The following QSER1 variants were observed in gnomAD, a reference collection of about 807,000 sequenced individuals.
QSER1 encodes the protein glutamine and serine rich 1, also known as glutamine and serine-rich protein 1.
In QSER1, 49 loss-of-function variants were observed where a neutral mutation model predicts 158.5. The observed-to-expected ratio is 0.31, with a 90% confidence interval of 0.25 to 0.39. The LOEUF is 0.39. QSER1 is among the 10% of genes least tolerant of loss of function. QSER1 has a pLI of 1.00. For missense variants in QSER1, 1,754 were observed against 2,010.3 expected (o/e 0.87, Z 2.44); for synonymous variants, 650 against 715.5 (o/e 0.91, Z 1.46).
intron 4 of QSER1, among the ~76,000 whole-genome samples, chr11:32,942,002 A>C (rs1203653248): frequency 2.0e-5 from 3 of 151,218 alleles, no homozygotes; most frequent in East Asian, 3.9e-4. Context: ...GCATTTTTTC[A>C]TGTGTCTTTT....
intron 10 of QSER1, among the ~76,000 whole-genome samples, chr11:32,969,624 A>T (rs1184564023): frequency 6.6e-6 from 1 of 151,898 alleles, no homozygotes; most frequent in Non-Finnish European, 1.5e-5. Context: ...CTCAACTCAG[A>T]TAATTTTTCA....
chr11:32,918,154 G>A (rs1203431906), intron 1 of QSER1, among the ~76,000 whole-genome samples: 2 of 152,042 alleles, frequency 1.3e-5, no homozygotes, highest in African/African-American at 2.4e-5. Context: ...TTTCTCTTCC[G>A]AAACTGTACA....
chr11:32,949,853 G>C (rs1239824932), intron 4 of QSER1, among the ~76,000 whole-genome samples: 1 of 152,174 alleles, frequency 6.6e-6, no homozygotes, highest in Non-Finnish European at 1.5e-5. Flanking sequence ...GTAGCAACAA[G>C]GAGGTCTTTA....
intron 9 of QSER1, among the ~76,000 whole-genome samples, chr11:32,967,866 T>C (rs568057881): frequency 2.0e-4 from 31 of 152,214 alleles, no homozygotes; most frequent in Non-Finnish European, 4.3e-4. Context: ...GAAGGGACTT[T>C]AGATATTACC....
intron 8 of QSER1, among the ~76,000 whole-genome samples, chr11:32,958,633 T>C (rs543918402): frequency 6.6e-6 from 1 of 152,214 alleles, no homozygotes; most frequent in Non-Finnish European, 1.5e-5. Flanking sequence ...CCTCCTGCCT[T>C]AGCCTCCCAA....
chr11:32,893,917 T>C lies in QSER1; in HGVS notation c.209+583T>C, dbSNP rs1338086431. ...GCGCGAACGCGGCTCCAGGGCCGGGTGACATATGTTTGCGCTGGTGGCCAA... is the reference window on the plus strand; with the variant it reads ...GCGCGAACGCGGCTCCAGGGCCGGGCGACATATGTTTGCGCTGGTGGCCAA... On this transcript the variant is annotated intron_variant, in intron 1 of 12. Coordinates refer to ENST00000650167, the MANE Select transcript of QSER1 (RefSeq NM_001076786.3). This position sits in a 1 kb window ranked among gnomAD's most constrained non-coding sequence, Gnocchi z 4.7. Among the ~76,000 whole-genome samples, 1 of 152,104 alleles carries C rather than the reference T, an allele frequency of 6.6e-6. No homozygotes were observed. Among genetic ancestry groups the C allele is most frequent in the Non-Finnish European group, 1.5e-5 (1 of 68,010 alleles).
intron 1 of QSER1, among the ~76,000 whole-genome samples, chr11:32,899,310 C>T (rs111355433): frequency 0.023 from 3,526 of 152,262 alleles, 61 homozygotes; most frequent in African/African-American, 0.052. Context: ...CCTCTAATGC[C>T]ATTCCCCCTC....
At chr11:32,939,655 A>C (rs952884962) in intron 4 of QSER1, among the ~76,000 whole-genome samples, 25 of 152,144 alleles carry the variant, frequency 1.6e-4, no homozygotes, top group African/African-American at 4.8e-4. Flanking sequence ...TGGTGTTTCC[A>C]GTGTCAGTTC....
At chr11:32,954,829 C>T (rs1852484411) in intron 5 of QSER1, among the ~76,000 whole-genome samples, 1 of 152,146 alleles carries the variant, frequency 6.6e-6, no homozygotes, top group Admixed American at 6.5e-5. Context: ...GCATGAGCCA[C>T]TGCATACAGC....
At chr11:32,941,363 C>A (rs1347005440) in intron 4 of QSER1, among the ~76,000 whole-genome samples, 2 of 145,288 alleles carry the variant, frequency 1.4e-5, no homozygotes, top group East Asian at 2.0e-4. Flanking sequence ...AGGTATATCT[C>A]CCAATGCTAT....
chr11:32,894,160 G>A (rs1018967789), intron 1 of QSER1, among the ~76,000 whole-genome samples: 23 of 152,312 alleles, frequency 1.5e-4, no homozygotes, highest in African/African-American at 5.5e-4. Flanking sequence ...AGGTCCGGGT[G>A]CATTATGTAG....
chr11:32,964,144 A>C (rs1852680790), intron 8 of QSER1, among the ~76,000 whole-genome samples: 1 of 152,046 alleles, frequency 6.6e-6, no homozygotes, highest in South Asian at 2.1e-4. Context: ...AGCTAACTTA[A>C]AATTTTTTTT....
intron 3 of QSER1, among the ~76,000 whole-genome samples, chr11:32,930,399 T>C (rs1338620228): frequency 6.6e-6 from 1 of 152,200 alleles, no homozygotes; most frequent in Non-Finnish European, 1.5e-5. Flanking sequence ...TCTATCTTTG[T>C]AGTAATAATT....
At chr11:32,971,789 C>T (rs920698146) in intron 10 of QSER1, among the ~76,000 whole-genome samples, 2 of 151,894 alleles carry the variant, frequency 1.3e-5, no homozygotes, top group African/African-American at 4.8e-5. Context: ...TCGGGACTGG[C>T]GCGGTGGCTC....
At chr11:32,957,163 A>T (rs1267862577) in intron 7 of QSER1, among the ~76,000 whole-genome samples, 7 of 114,198 alleles carry the variant, frequency 6.1e-5, no homozygotes, top group South Asian at 2.8e-4. Flanking sequence ...TTTTTTTGAG[A>T]TAGAGTCTTG....
chr11:32,944,267 C>T (rs1852291076), intron 4 of QSER1, among the ~76,000 whole-genome samples: 3 of 145,462 alleles, frequency 2.1e-5, no homozygotes, highest in South Asian at 2.3e-4. Context: ...TTATTTCTTG[C>T]CTTCTGCTAG....
At chr11:32,965,782 A>G (rs149737968) in intron 8 of QSER1, among the ~76,000 whole-genome samples, 9,633 of 152,096 alleles carry the variant, frequency 0.063, 413 homozygotes, top group Non-Finnish European at 0.1. Context: ...CCCCCTCTCT[A>G]CTAAAAAAAT....
At chr11:32,936,735 C>G (rs1852158372) in intron 4 of QSER1, among the ~76,000 whole-genome samples, 1 of 152,212 alleles carries the variant, frequency 6.6e-6, no homozygotes. Flanking sequence ...TTTCTCAGCT[C>G]TTTAGGATAA....
intron 1 of QSER1, among the ~76,000 whole-genome samples, chr11:32,901,980 G>A (rs993534777): frequency 1.8e-4 from 27 of 152,202 alleles, no homozygotes; most frequent in African/African-American, 6.3e-4. Flanking sequence ...CTACTTAGAA[G>A]GCTGAGGTGG....
Sources: allele counts gnomAD v4.1 joint callset (sites outside exome capture counted in the v4.1 genomes callset), GRCh38; gene constraint gnomAD v4.1.1; non-coding constraint Gnocchi (gnomAD v3.1); transcripts MANE v1.5; gene names NCBI Gene and HGNC (gene_info 2026-07-23, HGNC 2026-07-21).